The following PTPRO variants were observed in gnomAD, a reference collection of about 807,000 sequenced individuals.
PTPRO encodes protein tyrosine phosphatase receptor type O.
Under a neutral mutation model 145.2 loss-of-function variants are expected in PTPRO, and 62 were observed. The ratio of observed to expected loss-of-function variants is 0.43; its 90% CI spans 0.35 to 0.53. The LOEUF is 0.53. Among genes scored for constraint, PTPRO ranks in the 20% least tolerant of loss-of-function variants. PTPRO has a pLI of 0.01. For synonymous variants in PTPRO, 565 were observed against 514.7 expected (o/e 1.10, Z -1.32); for missense variants, 1,345 against 1,482.7 (o/e 0.91, Z 1.53).
At chr12:15,550,063 C>T (rs147225488) in intron 14 of PTPRO, among the ~76,000 whole-genome samples, 231 of 152,196 alleles carry the variant, frequency 1.5e-3, no homozygotes, top group African/African-American at 5.3e-3. Flanking sequence ...TAATGAGAGA[C>T]TTAGAAGTGC....
Position 15,360,835 on chromosome 12 carries a change from T to C in PTPRO, c.75+38034T>C, listed in dbSNP as rs369487492. ...GTGTGTATATATGTGTGTGTATATA[T>C]ATACGTGTGTATATATGTGTGTGTA... On this transcript the variant is annotated intron_variant, in intron 1 of 26. Transcript: ENST00000281171. Among the ~76,000 whole-genome samples the C allele has an allele frequency of 3.7e-3, 386 of 104,900 alleles. 4 individuals are homozygous for C. Among genetic ancestry groups the C allele is most frequent in the African/African-American group, 0.011 (340 of 31,284 alleles). 68.8% of individuals were successfully genotyped at this position (104,900 alleles called of 152,430 possible).
chr12:15,471,665 G>A (rs1300009934), intron 1 of PTPRO, among the ~76,000 whole-genome samples: 2 of 152,108 alleles, frequency 1.3e-5, no homozygotes, highest in Non-Finnish European at 2.9e-5. Flanking sequence ...TCTAGGAAGG[G>A]CAAAGGCTCC....
intron 1 of PTPRO, among the ~76,000 whole-genome samples, chr12:15,370,649 T>C (rs1246322338): frequency 1.3e-5 from 2 of 152,098 alleles, no homozygotes; most frequent in Non-Finnish European, 2.9e-5. Flanking sequence ...TCTTAATCCA[T>C]AAAACATTTT....
rs111692348 is a variant in PTPRO, at chr12:15,450,295, G to T, written c.76-33679G>T. On this transcript the variant is annotated intron_variant, in intron 1 of 26. Coordinates refer to ENST00000281171, the MANE Select transcript of PTPRO (RefSeq NM_030667.3). ...AGTTTTTCCTCTCCTGAATATTAAA[G>T]ACCCTCTGCCAGAAGTAGCTTAAGG... is the stretch of plus-strand genomic sequence containing the variant. Among the ~76,000 whole-genome samples, 215 of 151,964 alleles carry T rather than the reference G, an allele frequency of 1.4e-3. 1 individual carries two copies. Among genetic ancestry groups the T allele is most frequent in the African/African-American group, 4.8e-3 (199 of 41,458 alleles).
At chr12:15,490,509 G>A (rs1188338410) in intron 2 of PTPRO, among the ~76,000 whole-genome samples, 2 of 152,002 alleles carry the variant, frequency 1.3e-5, no homozygotes, top group Non-Finnish European at 2.9e-5. Flanking sequence ...CTATTCTTTT[G>A]TTTAGGCACA....
intron 13 of PTPRO, 35 bp downstream of exon 13, chr12:15,546,743 ACTT>A: frequency 6.2e-7 from 1 of 1,612,698 alleles, no homozygotes; most frequent in Non-Finnish European, 8.5e-7. Context: ...TTCTCAGTTA[ACTT>A]AAGTAAGGCT....
At chr12:15,412,454 T>C (rs1055977135) in intron 1 of PTPRO, among the ~76,000 whole-genome samples, 2 of 152,358 alleles carry the variant, frequency 1.3e-5, no homozygotes, top group Middle Eastern at 3.4e-3. Flanking sequence ...TTTTAGGACA[T>C]TTTAAGTTTA....
chr12:15,516,331 T>G (rs1591674722), intron 8 of PTPRO, among the ~76,000 whole-genome samples: 1 of 127,108 alleles, frequency 7.9e-6, no homozygotes, highest in Admixed American at 8.7e-5. Context: ...AGCAAGACCC[T>G]GTCTCAAAAA....
At chr12:15,508,471 T>C in intron 6 of PTPRO, 100 bp from the exon 7 acceptor site, 4 of 1,265,572 alleles carry the variant, frequency 3.2e-6, no homozygotes, top group Non-Finnish European at 4.5e-6. Context: ...TTGAATCTCA[T>C]TGTAAGGGCA....
chr12:15,595,357 GC>G, intron 26 of PTPRO: 1 of 368,390 alleles, frequency 2.7e-6, no homozygotes, highest in Non-Finnish European at 5.2e-6. Context: ...TTGGATCTGT[GC>G]CTGTAATATC....
intron 15 of PTPRO, among the ~76,000 whole-genome samples, chr12:15,552,093 G>T (rs1943478785): frequency 6.6e-6 from 1 of 151,842 alleles, no homozygotes; most frequent in Non-Finnish European, 1.5e-5. Context: ...ATTTTAAGCT[G>T]TTCTATTGGA....
intron 19 of PTPRO, among the ~76,000 whole-genome samples, chr12:15,571,508 G>C (rs533502104): frequency 6.6e-6 from 1 of 152,052 alleles, no homozygotes; most frequent in Non-Finnish European, 1.5e-5. Context: ...GTCTGGTCTC[G>C]AACTCCTTAC....
intron 1 of PTPRO, among the ~76,000 whole-genome samples, chr12:15,438,682 G>T (rs770800965): frequency 7.2e-5 from 11 of 151,892 alleles, no homozygotes; most frequent in Non-Finnish European, 1.6e-4. Flanking sequence ...TTAAAAATGA[G>T]CAGTCCTCAT....
Position 15,518,426 on chromosome 12 carries a change from G to C in PTPRO, c.1779+1470G>C, listed in dbSNP as rs116586195. ...GGGCTTCCATGAAGATCTCTGACTT[G>C]ACCTGGAGACATTTTCCCCATTGTC... is the stretch of plus-strand genomic sequence containing the variant. On this transcript the variant is annotated intron_variant, in intron 9 of 26. Transcript: ENST00000281171. 5.8e-3 allele frequency among the ~76,000 whole-genome samples: 887 copies of C among 152,308 alleles called. 10 individuals are homozygous for C. Among genetic ancestry groups the C allele is most frequent in the African/African-American group, 0.021 (854 of 41,570 alleles).
intron 23 of PTPRO, 35 bp downstream of exon 23, chr12:15,581,836 A>G (rs761396069): frequency 2.5e-6 from 4 of 1,612,738 alleles, no homozygotes; most frequent in African/African-American, 1.3e-5. Flanking sequence ...TGCTGTCCCT[A>G]TGCTGACACC....
chr12:15,498,711 TG>T (rs1446898186), intron 3 of PTPRO, among the ~76,000 whole-genome samples: 2 of 152,230 alleles, frequency 1.3e-5, no homozygotes, highest in African/African-American at 4.8e-5. Flanking sequence ...GAAAGTTATT[TG>T]TTTATAGATC....
intron 1 of PTPRO, among the ~76,000 whole-genome samples, chr12:15,479,620 A>T (rs896211178): frequency 2.6e-5 from 4 of 152,198 alleles, no homozygotes; most frequent in Non-Finnish European, 5.9e-5. Flanking sequence ...TTGCTCTCCT[A>T]AAAGGAACCT....
rs572354025 is a variant in PTPRO, at chr12:15,481,202, G to A, written c.76-2772G>A. Among the ~76,000 whole-genome samples, 64 of 152,176 alleles carry A rather than the reference G, an allele frequency of 4.2e-4. 1 individual carries two copies. In the South Asian group the frequency reaches 7.7e-3, roughly 18 times the overall value. On this transcript the variant is annotated intron_variant, in intron 1 of 26. Coordinates refer to ENST00000281171, the MANE Select transcript of PTPRO (RefSeq NM_030667.3). ...CTTTATGCTAGCCTCACAATTCCAC[G>A]TGGACCACTGGCAATATAGCATGGT...
At chr12:15,327,488 A>C (rs1426536457) in intron 1 of PTPRO, among the ~76,000 whole-genome samples, 1 of 152,146 alleles carries the variant, frequency 6.6e-6, no homozygotes, top group Non-Finnish European at 1.5e-5. Context: ...TTCCTAGTAG[A>C]AATCCTCCTA....
Sources: gnomAD v4.1 joint callset for allele counts (sites outside exome capture counted in the v4.1 genomes callset) on GRCh38, gnomAD v4.1.1 for gene constraint, MANE v1.5 for transcripts, NCBI Gene and HGNC (gene_info 2026-07-23, HGNC 2026-07-21) for gene names.